The following CAMK1D variants were observed in gnomAD, a reference collection of about 807,000 sequenced individuals.
CAMK1D encodes calcium/calmodulin dependent protein kinase ID.
CAMK1D carries 9 observed loss-of-function variants against 47.7 expected under a neutral mutation model. The ratio of observed to expected loss-of-function variants is 0.19; its 90% CI spans 0.11 to 0.33. The LOEUF (loss-of-function observed/expected upper bound fraction) is 0.33. Among genes scored for constraint, CAMK1D ranks in the 10% least tolerant of loss-of-function variants. The pLI is 1.00. For missense variants in CAMK1D, 291 were observed against 488.7 expected (o/e 0.60, Z 3.81); for synonymous variants, 184 against 184.9 (o/e 0.99, Z 0.04).
intron 3 of CAMK1D, among the ~76,000 whole-genome samples, chr10:12,758,956 C>G (rs145595895): frequency 5.9e-5 from 9 of 152,338 alleles, no homozygotes; most frequent in Admixed American, 5.9e-4. Context: ...GACGTTCCGC[C>G]TTCAGAGTGA....
intron 2 of CAMK1D, among the ~76,000 whole-genome samples, chr10:12,616,048 C>T (rs892631424): frequency 6.7e-6 from 1 of 149,162 alleles, no homozygotes; most frequent in Non-Finnish European, 1.5e-5. Context: ...TGTGAGTGCA[C>T]GTGTTGGTTT....
At chr10:12,752,592 TA>T (rs1193563068) in intron 3 of CAMK1D, among the ~76,000 whole-genome samples, 2 of 151,848 alleles carry the variant, frequency 1.3e-5, no homozygotes, top group African/African-American at 2.4e-5. Flanking sequence ...TTCGTCCAAA[TA>T]AAAAAAATAT....
At chr10:12,718,975 C>G (rs2130778256) in intron 3 of CAMK1D, among the ~76,000 whole-genome samples, 1 of 152,290 alleles carries the variant, frequency 6.6e-6, no homozygotes, top group Non-Finnish European at 1.5e-5. Context: ...TGCATAGACC[C>G]CACTCTTGGG....
chr10:12,574,468 ATTTTTTTT>A (rs1171556305), intron 2 of CAMK1D, among the ~76,000 whole-genome samples: 81 of 61,376 alleles, frequency 1.3e-3, no homozygotes, highest in African/African-American at 4.7e-3. Context: ...CGCCTAGCTA[ATTTTTTTT>A]TTTTTTTTTT....
At chr10:12,478,008 C>CTTTTTT (rs539240317) in intron 1 of CAMK1D, among the ~76,000 whole-genome samples, 1 of 141,154 alleles carries the variant, frequency 7.1e-6, no homozygotes, top group African/African-American at 2.6e-5. Flanking sequence ...TTTTCTTTTT[C>CTTTTTT]TTTTTTTTTT....
At chr10:12,416,075 T>C (rs1839838771) in intron 1 of CAMK1D, 2 of 152,114 alleles carry the variant, frequency 1.3e-5, no homozygotes, top group Admixed American at 1.3e-4. Flanking sequence ...TATATGATTG[T>C]GGGTTAGTCT....
intron 1 of CAMK1D, among the ~76,000 whole-genome samples, chr10:12,529,150 C>T (rs926310661): frequency 2.6e-5 from 4 of 152,086 alleles, no homozygotes; most frequent in Non-Finnish European, 5.9e-5. Flanking sequence ...TCATCTTCAC[C>T]CTCATCGTCA....
intron 3 of CAMK1D, among the ~76,000 whole-genome samples, chr10:12,748,258 A>G (rs1007429695): frequency 2.0e-5 from 3 of 152,222 alleles, no homozygotes; most frequent in African/African-American, 7.2e-5. Context: ...TAAGAAATAG[A>G]TTTCTCAAGG....
intron 2 of CAMK1D, among the ~76,000 whole-genome samples, chr10:12,594,601 A>G (rs1386248059): frequency 1.3e-5 from 2 of 152,252 alleles, no homozygotes; most frequent in African/African-American, 4.8e-5. Flanking sequence ...TTCCTGCTGT[A>G]AACTTTCAGG....
chr10:12,630,571 T>C (rs1285999719), intron 2 of CAMK1D, among the ~76,000 whole-genome samples: 1 of 151,990 alleles, frequency 6.6e-6, no homozygotes, highest in African/African-American at 2.4e-5. Flanking sequence ...TGTTTTGCTT[T>C]GTTGTTTTAT....
intron 6 of CAMK1D, among the ~76,000 whole-genome samples, chr10:12,792,294 CTTAT>C (rs3063765): frequency 0.46 from 69,007 of 151,340 alleles, 16,554 homozygotes; most frequent in African/African-American, 0.61. Context: ...AGTTTTGTTT[CTTAT>C]TTGTTTTGCT....
At chr10:12,458,285 T>G (rs1170245133) in intron 1 of CAMK1D, among the ~76,000 whole-genome samples, 1 of 152,074 alleles carries the variant, frequency 6.6e-6, no homozygotes, top group Non-Finnish European at 1.5e-5. Flanking sequence ...AAAAGGTGAT[T>G]AGTGAGGAAG....
chr10:12,631,758 A>G (rs1283357155), intron 2 of CAMK1D, among the ~76,000 whole-genome samples: 1 of 150,838 alleles, frequency 6.6e-6, no homozygotes, highest in Non-Finnish European at 1.5e-5. Context: ...ATGGTCCTTC[A>G]TCATGTAGGG....
At chr10:12,506,073 T>C (rs1834861836) in intron 1 of CAMK1D, among the ~76,000 whole-genome samples, 1 of 152,136 alleles carries the variant, frequency 6.6e-6, no homozygotes. Context: ...CATGTAATGG[T>C]GTATGATGCC....
chr10:12,434,082 T>G (rs1832562512), intron 1 of CAMK1D, among the ~76,000 whole-genome samples: 1 of 152,244 alleles, frequency 6.6e-6, no homozygotes, highest in Non-Finnish European at 1.5e-5. Flanking sequence ...GTGATCCTCC[T>G]GCCTCAGTCT....
At chr10:12,369,512 A>G (rs1397268767) in intron 1 of CAMK1D, among the ~76,000 whole-genome samples, 1 of 152,212 alleles carries the variant, frequency 6.6e-6, no homozygotes. Context: ...ATGGGGGCTC[A>G]GGGACAGTGA....
intron 1 of CAMK1D, among the ~76,000 whole-genome samples, chr10:12,452,066 A>T (rs1447014693): frequency 2.6e-5 from 4 of 152,082 alleles, no homozygotes; most frequent in Admixed American, 1.3e-4. Flanking sequence ...GAAGGAGGAG[A>T]GTCTCGTGGA....
chr10:12,806,553 C>T (rs1449598266), intron 6 of CAMK1D, among the ~76,000 whole-genome samples: 6 of 152,228 alleles, frequency 3.9e-5, no homozygotes, highest in Non-Finnish European at 5.9e-5. Context: ...GGGCTCACCC[C>T]TTTTGCGTCC....
At chr10:12,719,310 G>A (rs563632560) in intron 3 of CAMK1D, among the ~76,000 whole-genome samples, 1 of 152,042 alleles carries the variant, frequency 6.6e-6, no homozygotes, top group South Asian at 2.1e-4. Flanking sequence ...GGGAGGCTGA[G>A]GCAGGAGGAT....
Sources: gnomAD v4.1 joint callset for allele counts (sites outside exome capture counted in the v4.1 genomes callset) on GRCh38, gnomAD v4.1.1 for gene constraint, MANE v1.5 for transcripts, NCBI Gene and HGNC (gene_info 2026-07-23, HGNC 2026-07-21) for gene names.